RGS20: variants seen among roughly 807,000 people sequenced by gnomAD.
RGS20 encodes the protein regulator of G protein signaling 20, also known as gz-selective GTPase-activating protein.
Under a neutral mutation model 33.6 loss-of-function variants are expected in RGS20, and 30 were observed. The ratio of observed to expected loss-of-function variants is 0.89; its 90% confidence interval spans 0.67 to 1.21. The LOEUF is 1.21. Ranked by LOEUF, RGS20 falls within the 50% of genes most tolerant of loss-of-function variation. The pLI, the probability that RGS20 is intolerant of heterozygous loss-of-function variation, is 0.00. For missense variants in RGS20, 472 were observed against 502.4 expected (o/e 0.94, Z 0.58); for synonymous variants, 208 against 197.9 (o/e 1.05, Z -0.43).
intron 2 of RGS20, chr8:53,881,082 C>A (rs1291780420): frequency 6.6e-7 from 1 of 1,519,698 alleles, no homozygotes; most frequent in Non-Finnish European, 8.7e-7. Context: ...GGACGGTGGG[C>A]TCGTGAGTAT....
intron 3 of RGS20, among the ~76,000 whole-genome samples, chr8:53,941,987 A>G (rs1387359978): frequency 6.6e-6 from 1 of 152,196 alleles, no homozygotes; most frequent in Non-Finnish European, 1.5e-5. Context: ...CTTAAAAAAA[A>G]GATCAGCTGG....
chr8:53,915,864 G>A (rs962921221), intron 2 of RGS20, among the ~76,000 whole-genome samples: 1 of 152,078 alleles, frequency 6.6e-6, no homozygotes, highest in African/African-American at 2.4e-5. Flanking sequence ...GTGGTTATAG[G>A]CATGAACCAC....
chr8:53,948,447 C>T (rs572668643), intron 4 of RGS20, among the ~76,000 whole-genome samples: 22 of 133,202 alleles, frequency 1.7e-4, no homozygotes, highest in Admixed American at 3.9e-4. Context: ...TATATATTTA[C>T]ATATGCTATA....
chr8:53,943,124 A>C (rs1457895342), intron 3 of RGS20, among the ~76,000 whole-genome samples: 1 of 152,110 alleles, frequency 6.6e-6, no homozygotes, highest in Non-Finnish European at 1.5e-5. Flanking sequence ...ATGAATTGGA[A>C]TGGTAAACAG....
chr8:53,906,628 AGT>A (rs1813187903), intron 2 of RGS20, among the ~76,000 whole-genome samples: 1 of 152,192 alleles, frequency 6.6e-6, no homozygotes, highest in Admixed American at 6.5e-5. Flanking sequence ...AGGAAATGAG[AGT>A]GTCTCTTGAG....
At chr8:53,956,540 A>G (rs1814867961) in intron 5 of RGS20, among the ~76,000 whole-genome samples, 1 of 152,176 alleles carries the variant, frequency 6.6e-6, no homozygotes, top group African/African-American at 2.4e-5. Flanking sequence ...AAGACGCTAG[A>G]GAGGAAGAGT....
chr8:53,922,349 A>G (rs57381301), intron 2 of RGS20, among the ~76,000 whole-genome samples: 7,316 of 152,088 alleles, frequency 0.048, 470 homozygotes, highest in African/African-American at 0.14. Flanking sequence ...CTGTTGCCAG[A>G]TATATATTTT....
chr8:53,915,579 T>C (rs1400760708), intron 2 of RGS20, among the ~76,000 whole-genome samples: 1 of 152,138 alleles, frequency 6.6e-6, no homozygotes, highest in Admixed American at 6.6e-5. Flanking sequence ...AACTCACCCA[T>C]GCATGCAGCT....
rs2129281480 is a variant in RGS20, at chr8:53,903,694, A to G, written c.510+24092A>G. ...TACCCCACCTTTCACAATGAAAGGT[A>G]TTTCCCAAGAAAAGCACACTCACCC... On this transcript the variant is annotated intron_variant, in intron 2 of 5. Transcript: ENST00000297313. Among the ~76,000 whole-genome samples the G allele has an allele frequency of 3.3e-5, 5 of 152,314 alleles. 1 individual carries two copies. In the South Asian group the frequency reaches 1.0e-3, roughly 32 times the overall value.
intron 1 of RGS20, among the ~76,000 whole-genome samples, chr8:53,864,083 A>C (rs550763278): frequency 6.6e-6 from 1 of 152,186 alleles, no homozygotes; most frequent in Non-Finnish European, 1.5e-5. Context: ...TGAAAAAATC[A>C]AATGAGACAA....
chr8:53,941,881 G>A (rs149773391), intron 3 of RGS20, among the ~76,000 whole-genome samples: 97 of 152,096 alleles, frequency 6.4e-4, no homozygotes, highest in African/African-American at 2.3e-3. Context: ...AAAACCCTAG[G>A]CAAACCAGGA....
At position 53,959,236 on chromosome 8, in the gene RGS20, T is replaced by G. The variant is rs1257006348; in HGVS notation, c.*778T>G. 2 of 152,228 alleles carry G rather than the reference T, an allele frequency of 1.3e-5. No individual in the cohort carries two copies. Among genetic ancestry groups the G allele is most frequent in the Non-Finnish European group, 2.9e-5 (2 of 68,038 alleles). The allele number at this position is 152,228 out of a possible 1,614,324, so 9.4% of individuals were successfully genotyped here. ...ACTGTCAAATAAGCATATTTCCATT[T>G]TTATTACTGAAAGAAATATGGGCAT... On this transcript the variant is annotated 3_prime_UTR_variant, in exon 6 of 6. Transcript: ENST00000297313.
intron 1 of RGS20, among the ~76,000 whole-genome samples, chr8:53,855,224 C>A (rs1032725968): frequency 6.6e-6 from 1 of 151,998 alleles, no homozygotes; most frequent in African/African-American, 2.4e-5. Flanking sequence ...GCCACCACAC[C>A]CAGCTAATTT....
intron 2 of RGS20, among the ~76,000 whole-genome samples, chr8:53,934,890 CAG>C (rs1343901957): frequency 6.6e-6 from 1 of 152,082 alleles, no homozygotes; most frequent in African/African-American, 2.4e-5. Context: ...CGCAAAAGAA[CAG>C]AAATCACAAC....
chr8:53,925,027 T>C (rs924494401), intron 2 of RGS20, among the ~76,000 whole-genome samples: 3 of 152,190 alleles, frequency 2.0e-5, no homozygotes, highest in Admixed American at 2.0e-4. Context: ...CCTTTTAGCT[T>C]CTGGACTGAT....
At chr8:53,886,336 A>G (rs1812547925) in intron 2 of RGS20, among the ~76,000 whole-genome samples, 1 of 152,194 alleles carries the variant, frequency 6.6e-6, no homozygotes, top group Non-Finnish European at 1.5e-5. Context: ...GAGTAATATT[A>G]CATGATTATA....
chr8:53,875,390 C>A (rs1207005612), intron 1 of RGS20, among the ~76,000 whole-genome samples: 2 of 147,314 alleles, frequency 1.4e-5, no homozygotes, highest in African/African-American at 2.6e-5. Context: ...CGAGATCACA[C>A]CACTGTACTC....
intron 1 of RGS20, among the ~76,000 whole-genome samples, chr8:53,868,844 C>T (rs1811986201): frequency 6.6e-6 from 1 of 152,024 alleles, no homozygotes; most frequent in Non-Finnish European, 1.5e-5. Context: ...CTTCCACCTC[C>T]CAGGTTCAAG....
Position 53,937,205 on chromosome 8 carries a change from C to T in RGS20, c.511-2371C>T, listed in dbSNP as rs192953775. ...ATACCTAATGTAAATGATGAGTTAA[C>T]GGGTGAAGCATACCAACATGGCACA... On this transcript the variant is annotated intron_variant, in intron 2 of 5. Transcript: ENST00000297313. Among the ~76,000 whole-genome samples, 26 of 151,960 alleles carry T rather than the reference C, an allele frequency of 1.7e-4. 1 individual carries two copies. The highest frequency in any genetic ancestry group is 5.1e-4 in the African/African-American group (21 of 41,434).
Sources: gnomAD v4.1 joint callset for allele counts (sites outside exome capture counted in the v4.1 genomes callset) on GRCh38, gnomAD v4.1.1 for gene constraint, MANE v1.5 for transcripts, NCBI Gene and HGNC (gene_info 2026-07-23, HGNC 2026-07-21) for gene names.